The following CLDN10 variants were observed in gnomAD, a reference collection of about 807,000 sequenced individuals.
The protein encoded by CLDN10 is claudin 10.
Under a neutral mutation model 22.9 loss-of-function variants are expected in CLDN10, and 15 were observed. The ratio of observed to expected loss-of-function variants is 0.65; its 90% CI spans 0.44 to 1.01. The LOEUF is 1.01. Ranked by LOEUF, CLDN10 falls within the 50% of genes least tolerant of loss-of-function variation. CLDN10 has a pLI of 0.00. For missense variants in CLDN10, 247 were observed against 287.8 expected (o/e 0.86, Z 1.03); for synonymous variants, 114 against 111.4 (o/e 1.02, Z -0.15).
chr13:95,476,243 G>A (rs778255510), intron 1 of CLDN10, among the ~76,000 whole-genome samples: 9 of 152,196 alleles, frequency 5.9e-5, no homozygotes, highest in Non-Finnish European at 1.3e-4. Flanking sequence ...GTCTGTTCAG[G>A]CTGCTATAAC....
At chr13:95,442,240 A>C (rs1413016505) in intron 1 of CLDN10, among the ~76,000 whole-genome samples, 1 of 152,226 alleles carries the variant, frequency 6.6e-6, no homozygotes, top group African/African-American at 2.4e-5. Flanking sequence ...GATTATGTCC[A>C]TGAATACCTC....
intron 1 of CLDN10, among the ~76,000 whole-genome samples, chr13:95,542,411 C>A (rs931494830): frequency 2.0e-5 from 3 of 152,132 alleles, no homozygotes; most frequent in Non-Finnish European, 4.4e-5. Flanking sequence ...GTATGTACTT[C>A]GAAATTCAAC....
chr13:95,524,778 A>C (rs1394513900), intron 1 of CLDN10, among the ~76,000 whole-genome samples: 1 of 152,144 alleles, frequency 6.6e-6, no homozygotes, highest in Non-Finnish European at 1.5e-5. Context: ...TTTCACCAGC[A>C]ATGTATGAGG....
At chr13:95,560,523 C>T in intron 3 of CLDN10, 60 bp downstream of exon 3, 3 of 1,319,152 alleles carry the variant, frequency 2.3e-6, no homozygotes, top group Non-Finnish European at 3.2e-6. Context: ...TTAATATTCT[C>T]AACCAAGAGA....
At chr13:95,528,326 T>C (rs1182524016) in intron 1 of CLDN10, among the ~76,000 whole-genome samples, 1 of 152,192 alleles carries the variant, frequency 6.6e-6, no homozygotes, top group African/African-American at 2.4e-5. Context: ...CTCTCTTGCC[T>C]GCCTCCATGT....
intron 1 of CLDN10, among the ~76,000 whole-genome samples, chr13:95,444,000 C>G (rs1462649903): frequency 1.3e-5 from 2 of 152,108 alleles, no homozygotes; most frequent in African/African-American, 4.8e-5. Context: ...ATTTTGCTGT[C>G]CCCTACTCCT....
intron 1 of CLDN10, among the ~76,000 whole-genome samples, chr13:95,547,050 T>TTC (rs2043517119): frequency 6.6e-6 from 1 of 150,578 alleles, no homozygotes; most frequent in Admixed American, 6.6e-5. Flanking sequence ...GGCTAACTTT[T>TTC]TTTTTTTTTT....
intron 1 of CLDN10, among the ~76,000 whole-genome samples, chr13:95,481,792 A>G (rs2042749584): frequency 1.3e-5 from 2 of 152,142 alleles, no homozygotes; most frequent in Non-Finnish European, 2.9e-5. Context: ...AGCCGAAGTG[A>G]GTGGATCACC....
chr13:95,520,168 C>A (rs755253943), intron 1 of CLDN10, among the ~76,000 whole-genome samples: 6 of 152,110 alleles, frequency 3.9e-5, no homozygotes, highest in Non-Finnish European at 8.8e-5. Context: ...GAACTAATAC[C>A]AGATTAATCT....
intron 3 of CLDN10, among the ~76,000 whole-genome samples, chr13:95,573,808 G>A (rs1433977231): frequency 6.6e-6 from 1 of 151,664 alleles, no homozygotes; most frequent in Non-Finnish European, 1.5e-5. Flanking sequence ...CATGTGCCAT[G>A]TTGGTTTGCT....
At chr13:95,459,781 C>T (rs775606441) in intron 1 of CLDN10, among the ~76,000 whole-genome samples, 2 of 152,200 alleles carry the variant, frequency 1.3e-5, no homozygotes, top group African/African-American at 4.8e-5. Flanking sequence ...CAAATTTTTC[C>T]AGCCTGCTTG....
intron 1 of CLDN10, among the ~76,000 whole-genome samples, chr13:95,467,864 T>C (rs1211044971): frequency 6.6e-6 from 1 of 152,132 alleles, no homozygotes; most frequent in Non-Finnish European, 1.5e-5. Context: ...GATGTTTCAG[T>C]TCTGGTTCAA....
At chr13:95,523,899 C>T (rs36034774) in intron 1 of CLDN10, among the ~76,000 whole-genome samples, 15,161 of 152,226 alleles carry the variant, frequency 0.1, 929 homozygotes, top group Middle Eastern at 0.13. Flanking sequence ...TATCACTTCC[C>T]TTCTCAGTTG....
Position 95,560,137 on chromosome 13 carries a change from A to G in CLDN10, c.226A>G (p.Ile76Val), listed in dbSNP as rs781359177. 4.3e-6 allele frequency: 7 copies of G among 1,612,726 alleles called. No homozygotes were observed. The highest frequency in any genetic ancestry group is 2.2e-5 in the South Asian group (2 of 90,892). The change falls in exon 2 of 5, where the codon ATA becomes GTA. Residue 76 changes from isoleucine to valine, a missense_variant. Physicochemically the swap from Ile to Val is conservative, Grantham distance 29. Coordinates refer to ENST00000299339, the MANE Select transcript of CLDN10 (RefSeq NM_006984.5). ...ATGACCTACTCTAATTGCAGGTTATATACAGGCATGTAGAGGACTTATGAT... is the reference window on the plus strand; with the variant it reads ...ATGACCTACTCTAATTGCAGGTTATGTACAGGCATGTAGAGGACTTATGAT... ...FPSMLALDGY[I>V]QACRGLMIAA...
At position 95,577,325 on chromosome 13, in the gene CLDN10, A is replaced by G. The variant is rs998743795; in HGVS notation, c.559A>G (p.Asn187Asp). Residue 187 changes from asparagine to aspartate, a missense_variant, in exon 4 of 5, where the codon AAC (asparagine) becomes GAC (aspartate). Coordinates refer to ENST00000299339, the MANE Select transcript of CLDN10 (RefSeq NM_006984.5). Reference protein sequence around the residue: ...VIFCFSISDNNKTPRYTYNGA... With the variant: ...VIFCFSISDNDKTPRYTYNGA... Reference sequence around the variant, plus strand: ...ATTTTGCTTTTCAATATCTGACAACAACAAAACACCCAGGTATGAAAAAGA... The same window carrying G: ...ATTTTGCTTTTCAATATCTGACAACGACAAAACACCCAGGTATGAAAAAGA... 5.0e-6 allele frequency: 8 copies of G among 1,609,928 alleles called. No homozygotes were observed. In the African/African-American group the frequency reaches 1.1e-4, roughly 22 times the overall value.
At chr13:95,563,147 C>T (rs1428100722) in intron 3 of CLDN10, among the ~76,000 whole-genome samples, 2 of 132,796 alleles carry the variant, frequency 1.5e-5, no homozygotes, top group Non-Finnish European at 3.4e-5. Context: ...TCTGTATTCT[C>T]ATCTGTAAAA....
intron 1 of CLDN10, among the ~76,000 whole-genome samples, chr13:95,468,711 G>C (rs745514110): frequency 3.3e-5 from 5 of 151,954 alleles, no homozygotes; most frequent in Non-Finnish European, 7.4e-5. Context: ...GGGTGACAGA[G>C]TGAGACCCTG....
intron 1 of CLDN10, among the ~76,000 whole-genome samples, chr13:95,508,797 G>A (rs2043066151): frequency 1.3e-5 from 2 of 152,254 alleles, no homozygotes; most frequent in African/African-American, 4.8e-5. Context: ...GAGCCGGGTA[G>A]TCTGGTGGGT....
intron 1 of CLDN10, among the ~76,000 whole-genome samples, chr13:95,535,465 C>T (rs1243605381): frequency 6.7e-6 from 1 of 149,906 alleles, no homozygotes; most frequent in Non-Finnish European, 1.5e-5. Flanking sequence ...GGAAGAGCGC[C>T]ATCCAAGATG....
Sources: gnomAD v4.1 joint callset for allele counts (sites outside exome capture counted in the v4.1 genomes callset) on GRCh38, gnomAD v4.1.1 for gene constraint, MANE v1.5 for transcripts, NCBI Gene and HGNC (gene_info 2026-07-23, HGNC 2026-07-21) for gene names.